Variants in APP observed in about 807,000 individuals in gnomAD.
APP encodes the protein amyloid beta precursor protein, also known as amyloid-beta precursor protein.
APP carries 31 observed loss-of-function variants against 101.4 expected under a neutral mutation model. That is an observed-to-expected ratio of 0.31 (90% confidence interval 0.23 to 0.41). The LOEUF (loss-of-function observed/expected upper bound fraction) is 0.41, where lower values mean the gene tolerates loss of function less well. Among genes scored for constraint, APP ranks in the 10% least tolerant of loss-of-function variants. The pLI is 1.00. For synonymous variants in APP, 366 were observed against 364.4 expected (o/e 1.00, Z -0.05); for missense variants, 839 against 1,003.7 (o/e 0.84, Z 2.22).
intron 11 of APP, among the ~76,000 whole-genome samples, chr21:25,961,862 G>A (rs975945896): frequency 6.6e-6 from 1 of 152,026 alleles, no homozygotes; most frequent in Non-Finnish European, 1.5e-5. Flanking sequence ...AAAGAATTCA[G>A]TGGCTCACGA....
chr21:26,036,613 T>C (rs980497268), intron 5 of APP, among the ~76,000 whole-genome samples: 4 of 152,176 alleles, frequency 2.6e-5, no homozygotes, highest in African/African-American at 9.7e-5. Flanking sequence ...TTTACAGTCG[T>C]GGTCATAGCC....
intron 3 of APP, among the ~76,000 whole-genome samples, chr21:26,081,481 G>A (rs938960381): frequency 3.3e-5 from 5 of 152,190 alleles, no homozygotes; most frequent in African/African-American, 1.2e-4. Flanking sequence ...ACAAGATAAT[G>A]TCATCACTTA....
At chr21:26,161,009 TCG>T (rs972096401) in intron 1 of APP, among the ~76,000 whole-genome samples, 8 of 152,362 alleles carry the variant, frequency 5.3e-5, no homozygotes, top group Admixed American at 3.3e-4. Flanking sequence ...CTATGCTTGT[TCG>T]CAGTTTCTTA....
intron 2 of APP, among the ~76,000 whole-genome samples, chr21:26,090,396 C>T (rs552628359): frequency 6.6e-6 from 1 of 152,262 alleles, no homozygotes; most frequent in East Asian, 1.9e-4. Context: ...GGATACTCAA[C>T]CTATACCACT....
chr21:26,085,086 C>T (rs899901776), intron 3 of APP, among the ~76,000 whole-genome samples: 2 of 152,182 alleles, frequency 1.3e-5, no homozygotes, highest in African/African-American at 2.4e-5. Flanking sequence ...CCTGTAATCC[C>T]ACTGTTGGGA....
chr21:25,928,369 A>ACAAG (rs1316736456), intron 13 of APP, among the ~76,000 whole-genome samples: 1 of 151,560 alleles, frequency 6.6e-6, no homozygotes, highest in African/African-American at 2.4e-5. Flanking sequence ...AAACAAACAA[A>ACAAG]CAAAAAAACC....
At chr21:25,968,228 G>T (rs2146539765) in intron 11 of APP, among the ~76,000 whole-genome samples, 1 of 152,120 alleles carries the variant, frequency 6.6e-6, no homozygotes, top group Non-Finnish European at 1.5e-5. Context: ...ACAGCTCACT[G>T]CAGCCTTGAC....
At chr21:26,047,556 AAAAAT>A (rs2146891198) in intron 5 of APP, among the ~76,000 whole-genome samples, 1 of 152,384 alleles carries the variant, frequency 6.6e-6, no homozygotes, top group Non-Finnish European at 1.5e-5. Flanking sequence ...AAAGAAGTTA[AAAAAT>A]AAAATGGTGC....
At chr21:26,137,090 G>A (rs1239332727) in intron 1 of APP, among the ~76,000 whole-genome samples, 4 of 151,594 alleles carry the variant, frequency 2.6e-5, no homozygotes, top group East Asian at 3.9e-4. Flanking sequence ...ACAGGCATGC[G>A]CCACCACACC....
intron 2 of APP, among the ~76,000 whole-genome samples, chr21:26,097,877 G>A (rs958116747): frequency 7.9e-5 from 12 of 152,012 alleles, no homozygotes; most frequent in Admixed American, 4.6e-4. Context: ...TCAGTAGATC[G>A]AGACCATCCT....
intron 8 of APP, among the ~76,000 whole-genome samples, chr21:25,985,601 T>G (rs935474221): frequency 2.0e-5 from 3 of 152,130 alleles, no homozygotes; most frequent in African/African-American, 7.2e-5. Flanking sequence ...GTCTCCAACT[T>G]GCAGACAACA....
chr21:26,149,636 T>C (rs1230801459), intron 1 of APP, among the ~76,000 whole-genome samples: 1 of 152,214 alleles, frequency 6.6e-6, no homozygotes, highest in Non-Finnish European at 1.5e-5. Context: ...GTCTTAAATT[T>C]TAAAATACAG....
At chr21:25,979,716 T>C (rs2042353412) in intron 9 of APP, among the ~76,000 whole-genome samples, 1 of 152,058 alleles carries the variant, frequency 6.6e-6, no homozygotes, top group Non-Finnish European at 1.5e-5. Context: ...CTGTCACATC[T>C]AAAACTAACA....
At chr21:25,943,330 T>G (rs1302596749) in intron 13 of APP, among the ~76,000 whole-genome samples, 1 of 151,956 alleles carries the variant, frequency 6.6e-6, no homozygotes, top group African/African-American at 2.4e-5. Flanking sequence ...TAATTTTGTA[T>G]TTTTAGTAGA....
intron 3 of APP, among the ~76,000 whole-genome samples, chr21:26,076,491 A>G (rs570867504): frequency 1.3e-5 from 2 of 152,352 alleles, no homozygotes; most frequent in African/African-American, 2.4e-5. Flanking sequence ...GTGTCACTAA[A>G]GGAGTGAAGA....
chr21:25,942,653 G>A (rs994955056), intron 13 of APP: 1 of 152,164 alleles, frequency 6.6e-6, no homozygotes, highest in African/African-American at 2.4e-5. Flanking sequence ...GACAAAGAAT[G>A]TGGAACATGG....
At chr21:25,899,297 C>T (rs981736412) in intron 15 of APP, among the ~76,000 whole-genome samples, 1 of 152,138 alleles carries the variant, frequency 6.6e-6, no homozygotes, top group South Asian at 2.1e-4. Context: ...AGCAAGATGT[C>T]ATAGTTTAAA....
chr21:26,121,408 G>A (rs938830939), intron 1 of APP, among the ~76,000 whole-genome samples: 2 of 151,182 alleles, frequency 1.3e-5, no homozygotes, highest in African/African-American at 4.9e-5. Context: ...TTTTTTTGGA[G>A]ACGGAGTCTC....
chr21:26,170,736 G>A lies in APP; in HGVS notation c.-116C>T. The A allele has an allele frequency of 2.7e-6, 3 of 1,103,228 alleles. No individual in the cohort carries two copies. The highest frequency in any genetic ancestry group is 3.6e-5 in the Admixed American group (1 of 27,588). The allele number at this position is 1,103,228 out of a possible 1,614,324, so 68.3% of individuals were successfully genotyped here. ...CCGGGGCCCCCGCGCACGCTCCTCCGCGTGCTCTCGCCTACCGCTGCCGAG... is the reference window on the plus strand; with the variant it reads ...CCGGGGCCCCCGCGCACGCTCCTCCACGTGCTCTCGCCTACCGCTGCCGAG... On this transcript the variant is annotated 5_prime_UTR_variant, in exon 1 of 18. Transcript: ENST00000346798.
Sources: allele counts gnomAD v4.1 joint callset (sites outside exome capture counted in the v4.1 genomes callset), GRCh38; gene constraint gnomAD v4.1.1; transcripts MANE v1.5; gene names NCBI Gene and HGNC (gene_info 2026-07-23, HGNC 2026-07-21).